The following CPT1C variants were observed in gnomAD, a reference collection of about 807,000 sequenced individuals.
CPT1C encodes palmitoyl thioesterase CPT1C.
In CPT1C, 61 loss-of-function variants were observed where a neutral mutation model predicts 97.3. That is an observed-to-expected ratio of 0.63 (90% CI 0.51 to 0.78). CPT1C has a LOEUF of 0.78. CPT1C is among the 30% of genes least tolerant of loss of function. The pLI, the probability that CPT1C is intolerant of heterozygous loss-of-function variation, is 0.00. For missense variants in CPT1C, 975 were observed against 1,065.5 expected (o/e 0.92, Z 1.18); for synonymous variants, 469 against 447.2 (o/e 1.05, Z -0.61).
chr19:49,710,243 C>A, intron 14 of CPT1C, 77 bp from the exon 15 acceptor site: 1 of 1,443,012 alleles, frequency 6.9e-7, no homozygotes, highest in Non-Finnish European at 9.7e-7. Context: ...TCCACCTCCG[C>A]TTCCAGCCTT....
At position 49,711,980 on chromosome 19, in the gene CPT1C, G is replaced by A; in HGVS notation, c.2019+19G>A. The A allele has an allele frequency of 1.9e-6, 3 of 1,608,746 alleles. No homozygotes were observed. The highest frequency in any genetic ancestry group is 2.6e-6 in the Non-Finnish European group (3 of 1,176,004). The stretch of plus-strand genomic sequence containing the variant: ...GACCCAGGTTGGGGCACAGGGAAAG[G>A]GTTAGAGAGGGAAGTGGGAGACCAT... On this transcript the variant is annotated intron_variant, in intron 17 of 19. Coordinates refer to ENST00000598293, the MANE Select transcript of CPT1C (RefSeq NM_001199753.2).
intron 7 of CPT1C, among the ~76,000 whole-genome samples, chr19:49,701,898 A>ATT (rs2083096664): frequency 1.7e-5 from 2 of 114,702 alleles, no homozygotes; most frequent in South Asian, 4.6e-4. Context: ...ATTTATTTAT[A>ATT]AATATATATA....
chr19:49,707,614 CAT>C lies in CPT1C; in HGVS notation c.1441_1442del (p.Met481ValfsTer58), dbSNP rs1394072373. ...GGGCCGACTGCCCCATCTCAGGACA[CAT>C]GTGGGAGGTAGGGCGGCCAGCCCTC... The part of the protein sequence containing the change: ...SWADCPISGH[M>X]WEFTLATECF... On this transcript the variant is annotated frameshift_variant, in exon 13 of 20. Coordinates refer to ENST00000598293, the MANE Select transcript of CPT1C (RefSeq NM_001199753.2). LOFTEE classifies it high-confidence loss of function. The C allele has an allele frequency of 3.1e-6, 5 of 1,609,292 alleles. No homozygotes were observed. Among genetic ancestry groups the C allele is most frequent in the Non-Finnish European group, 4.2e-6 (5 of 1,177,938 alleles).
chr19:49,692,446 G>T (rs2082408796), intron 3 of CPT1C, 53 bp downstream of exon 3: 2 of 1,600,794 alleles, frequency 1.2e-6, no homozygotes, highest in Admixed American at 3.4e-5. Context: ...TTCTGCTTCC[G>T]GGATGTCTGA....
intron 8 of CPT1C, 62 bp from the exon 9 acceptor site, chr19:49,704,945 G>A (rs2083416540): frequency 1.2e-5 from 18 of 1,469,902 alleles, no homozygotes; most frequent in Non-Finnish European, 1.7e-5. Flanking sequence ...ATTTGGGTCA[G>A]TGGCTCCATC....
chr19:49,693,210 G>A (rs949059193), intron 3 of CPT1C, among the ~76,000 whole-genome samples: 7 of 152,080 alleles, frequency 4.6e-5, no homozygotes, highest in East Asian at 1.9e-4. Flanking sequence ...TCTGGAATGC[G>A]CATGCCCAAT....
intron 7 of CPT1C, among the ~76,000 whole-genome samples, chr19:49,704,317 G>A (rs1434031748): frequency 4.6e-5 from 7 of 152,066 alleles, no homozygotes. Context: ...GATTACAGGC[G>A]TGCACCACCA....
chr19:49,704,866 T>TGAG, intron 8 of CPT1C, 79 bp downstream of exon 8: 1 of 1,454,030 alleles, frequency 6.9e-7, no homozygotes, highest in Non-Finnish European at 9.7e-7. Flanking sequence ...ACGGTCATGC[T>TGAG]CAGTGACCTG....
chr19:49,710,992 T>A, intron 16 of CPT1C, 135 bp downstream of exon 16: 2 of 904,500 alleles, frequency 2.2e-6, no homozygotes, highest in Non-Finnish European at 3.3e-6. Flanking sequence ...ACCTGGCCTC[T>A]GACTTCAAAG....
At chr19:49,702,715 C>T (rs557810030) in intron 7 of CPT1C, among the ~76,000 whole-genome samples, 3 of 151,560 alleles carry the variant, frequency 2.0e-5, no homozygotes, top group African/African-American at 7.3e-5. Flanking sequence ...ACTGAGGATC[C>T]TGGACTCTTT....
At chr19:49,700,645 C>T in intron 4 of CPT1C, 39 bp from the exon 5 acceptor site, 1 of 1,595,100 alleles carries the variant, frequency 6.3e-7, no homozygotes, top group South Asian at 1.1e-5. Flanking sequence ...GTTCTGAGGC[C>T]AGGAGACCCA....
chr19:49,707,918 G>A (rs1396940302), intron 13 of CPT1C, among the ~76,000 whole-genome samples: 1 of 148,176 alleles, frequency 6.7e-6, no homozygotes. Context: ...CATGAGAATC[G>A]CATGAACCCG....
intron 10 of CPT1C, 73 bp downstream of exon 10, chr19:49,705,371 G>A (rs755543802): frequency 2.1e-5 from 26 of 1,251,532 alleles, no homozygotes; most frequent in African/African-American, 4.5e-5. Context: ...TCTGGAGTCC[G>A]CCTGACTGAG....
In CPT1C at chr19:49,706,969, T is replaced by C. The variant is rs1460285201; in HGVS notation, c.1344-549T>C. Among the ~76,000 whole-genome samples, 1 of 151,906 alleles carries C rather than the reference T, an allele frequency of 6.6e-6. No homozygotes were observed. The highest frequency in any genetic ancestry group is 1.5e-5 in the Non-Finnish European group (1 of 67,974). On this transcript the variant is annotated intron_variant, in intron 12 of 19. Transcript: ENST00000598293. This position sits in a 1 kb window ranked among gnomAD's most constrained non-coding sequence, Gnocchi z 4.8. ...AAAGCCTTGAACCTTCCTCGGCAAG[T>C]TTCCTAAAAATCTCCAAACTCCAGA... is the stretch of plus-strand genomic sequence containing the variant.
intron 3 of CPT1C, among the ~76,000 whole-genome samples, chr19:49,693,433 G>A (rs546111542): frequency 3.3e-5 from 5 of 152,234 alleles, no homozygotes; most frequent in African/African-American, 7.2e-5. Flanking sequence ...GTTTCCCCTC[G>A]TGGAAAACAT....
intron 7 of CPT1C, among the ~76,000 whole-genome samples, chr19:49,704,386 G>T (rs898327434): frequency 4.6e-5 from 7 of 152,160 alleles, no homozygotes; most frequent in Admixed American, 1.3e-4. Context: ...TGGCCAGGCT[G>T]GTCTTGAACA....
At chr19:49,712,580 G>T in intron 17 of CPT1C, 156 bp from the exon 18 acceptor site, 2 of 625,044 alleles carry the variant, frequency 3.2e-6, no homozygotes, top group South Asian at 3.7e-5. Context: ...GAGGGGCGTG[G>T]CCAGATAGGG....
Position 49,706,284 on chromosome 19 carries a change from T to C in CPT1C, c.1214T>C (p.Leu405Pro). Residue 405 changes from leucine to proline, a missense_variant, in exon 12 of 20, where the codon CTG (leucine) becomes CCG (proline). Physicochemically the swap from Leu to Pro is moderately conservative, Grantham distance 98. This residue lies in a region of CPT1C where 596 missense variants were observed against 603.1 expected (regional missense o/e 0.99). Transcript: ENST00000598293. This position sits in a 1 kb window ranked among gnomAD's most constrained non-coding sequence, Gnocchi z 4.8. Reference sequence around the variant, plus strand: ...CTGAAGACCCAGGCAGCGGAGGCCCTGGAGGCGGTGGAAGGGGCCGCTTTC... The same window carrying C: ...CTGAAGACCCAGGCAGCGGAGGCCCCGGAGGCGGTGGAAGGGGCCGCTTTC... ...TSLKTQAAEA[L>P]EAVEGAAFFV... 1 of 1,538,388 alleles carries C rather than the reference T, an allele frequency of 6.5e-7. No individual in the cohort carries two copies. Among genetic ancestry groups the C allele is most frequent in the Non-Finnish European group, 8.7e-7 (1 of 1,146,026 alleles).
chr19:49,693,009 C>T (rs2082440385), intron 3 of CPT1C, among the ~76,000 whole-genome samples: 1 of 152,216 alleles, frequency 6.6e-6, no homozygotes. Context: ...CTGCCTCAGC[C>T]TCCCGAGTAG....
Sources: allele counts gnomAD v4.1 joint callset (sites outside exome capture counted in the v4.1 genomes callset), GRCh38; gene constraint gnomAD v4.1.1; regional missense constraint gnomAD v4.1.1; non-coding constraint Gnocchi (gnomAD v3.1); transcripts MANE v1.5; gene names NCBI Gene and HGNC (gene_info 2026-07-23, HGNC 2026-07-21).